ANKMY1: variants seen among roughly 807,000 people sequenced by gnomAD.
ANKMY1 encodes ankyrin repeat and MYND domain containing 1.
In ANKMY1, 98 loss-of-function variants were observed where a neutral mutation model predicts 102.0. The observed-to-expected ratio is 0.96, with a 90% CI of 0.82 to 1.14. The LOEUF (loss-of-function observed/expected upper bound fraction) is 1.14, where lower values mean the gene tolerates loss of function less well. ANKMY1 is among the 50% of genes most tolerant of loss of function. ANKMY1 has a pLI of 0.00. For synonymous variants in ANKMY1, 582 were observed against 559.9 expected (o/e 1.04, Z -0.56); for missense variants, 1,330 against 1,347.6 (o/e 0.99, Z 0.20).
chr2:240,523,686 A>C (rs1228008659), intron 8 of ANKMY1, 199 bp downstream of exon 8: 2 of 893,798 alleles, frequency 2.2e-6, no homozygotes, highest in African/African-American at 3.4e-5. Context: ...GGTGGCACTG[A>C]AAACAGCCCG....
chr2:240,490,675 C>T (rs1020031287), intron 15 of ANKMY1, among the ~76,000 whole-genome samples: 1 of 152,044 alleles, frequency 6.6e-6, no homozygotes, highest in Non-Finnish European at 1.5e-5. Context: ...AATTTTACTC[C>T]ATTGTGATCT....
the ANKMY1 span, among the ~76,000 whole-genome samples, chr2:240,470,090 C>T: frequency 6.6e-6 from 1 of 152,230 alleles, no homozygotes; most frequent in Non-Finnish European, 1.5e-5. Context: ...GCACACACTG[C>T]TCCTGTCCAG....
chr2:240,533,844 G>A (rs1340744773), intron 4 of ANKMY1, among the ~76,000 whole-genome samples: 1 of 152,108 alleles, frequency 6.6e-6, no homozygotes, highest in Non-Finnish European at 1.5e-5. Context: ...CAGAAAGGTT[G>A]AAAGTAAAGT....
In ANKMY1 at chr2:240,506,675, T is replaced by C. The variant is rs1243984532; in HGVS notation, c.2526+885A>G. Among the ~76,000 whole-genome samples, 4 of 147,150 alleles carry C rather than the reference T, an allele frequency of 2.7e-5. No individual in the cohort carries two copies. Among genetic ancestry groups the C allele is most frequent in the South Asian group, 2.4e-4 (1 of 4,242 alleles). ...CACCCCCCTCCTCCTTCCCCCTTTT[T>C]CTCCCTCAGACAGGTAAGAACCAAA... On this transcript the variant is annotated intron_variant, in intron 13 of 17. Coordinates refer to ENST00000401804, the MANE Select transcript of ANKMY1 (RefSeq NM_001282771.3). This position sits in a 1 kb window ranked among gnomAD's most constrained non-coding sequence, Gnocchi z 4.9.
intron 15 of ANKMY1, among the ~76,000 whole-genome samples, chr2:240,489,461 A>AT (rs2076403039): frequency 6.6e-6 from 1 of 152,114 alleles, no homozygotes; most frequent in African/African-American, 2.4e-5. Context: ...TATCTCAAAA[A>AT]AAAAAAAAAG....
chr2:240,554,481 C>T, intron 3 of ANKMY1: 1 of 175,520 alleles, frequency 5.7e-6, no homozygotes, highest in Non-Finnish European at 1.2e-5. Context: ...AGGACCTAGC[C>T]TGGGGGTGCA....
At chr2:240,556,857 G>T (rs924671341) in intron 2 of ANKMY1, among the ~76,000 whole-genome samples, 8 of 152,164 alleles carry the variant, frequency 5.3e-5, no homozygotes, top group African/African-American at 1.9e-4. Context: ...AGACTCCAGG[G>T]CAGCCCCTGG....
Position 240,506,378 on chromosome 2 carries a change from G to A in ANKMY1, c.2526+1182C>T, listed in dbSNP as rs1292282338. On this transcript the variant is annotated intron_variant, in intron 13 of 17. Coordinates refer to ENST00000401804, the MANE Select transcript of ANKMY1 (RefSeq NM_001282771.3). This position sits in a 1 kb window ranked among gnomAD's most constrained non-coding sequence, Gnocchi z 4.9. Reference sequence around the variant, plus strand: ...AGCCCCCAGGTCCAGAAATGGTGCCGACTACCCACACACACTGTTTCATTC... The same window carrying A: ...AGCCCCCAGGTCCAGAAATGGTGCCAACTACCCACACACACTGTTTCATTC... Among the ~76,000 whole-genome samples, 6 of 152,074 alleles carry A rather than the reference G, an allele frequency of 3.9e-5. No homozygotes were observed. Among genetic ancestry groups the A allele is most frequent in the African/African-American group, 7.2e-5 (3 of 41,414 alleles).
the ANKMY1 span, among the ~76,000 whole-genome samples, chr2:240,469,085 ACACT>A: frequency 6.6e-6 from 1 of 152,206 alleles, no homozygotes; most frequent in Non-Finnish European, 1.5e-5. Context: ...GAGCAGCCAG[ACACT>A]CATCAGCGGC....
chr2:240,549,981 A>G (rs2091205744), intron 4 of ANKMY1, among the ~76,000 whole-genome samples: 3 of 151,886 alleles, frequency 2.0e-5, no homozygotes, highest in South Asian at 2.1e-4. Context: ...ATCTAGAACT[A>G]GAAATACCAT....
At chr2:240,504,827 C>T (rs529155183) in intron 13 of ANKMY1, among the ~76,000 whole-genome samples, 119 of 151,048 alleles carry the variant, frequency 7.9e-4, no homozygotes, top group African/African-American at 2.8e-3. Flanking sequence ...GCCAACATGG[C>T]GAAACCCCAT....
chr2:240,541,856 CT>C (rs1432480699), intron 4 of ANKMY1, among the ~76,000 whole-genome samples: 1 of 152,044 alleles, frequency 6.6e-6, no homozygotes, highest in East Asian at 1.9e-4. Context: ...AGGTGATGTT[CT>C]TCTGGGGTGC....
chr2:240,537,078 C>T (rs1030389534), intron 4 of ANKMY1, among the ~76,000 whole-genome samples: 3 of 152,108 alleles, frequency 2.0e-5, no homozygotes, highest in Non-Finnish European at 4.4e-5. Context: ...AAGAAAAAAA[C>T]AGCACAGCAA....
At chr2:240,560,674 C>A (rs779621009), upstream of ANKMY1, 2 of 1,508,818 alleles carry the variant, frequency 1.3e-6, no homozygotes. Flanking sequence ...GCAGACTCTT[C>A]GGCGGGCGCC....
rs545008308 is a variant in ANKMY1, at chr2:240,520,938, C to T, written c.1833-405G>A. On this transcript the variant is annotated intron_variant, in intron 8 of 17. Transcript: ENST00000401804. This position sits in a 1 kb window ranked among gnomAD's most constrained non-coding sequence, Gnocchi z 4.8. ...CCACACTACACATACAGCACACAAC[C>T]ACACAAACCACACACACACCACACA... Among the ~76,000 whole-genome samples, 4 of 141,666 alleles carry T rather than the reference C, an allele frequency of 2.8e-5. No homozygotes were observed. The East Asian group carries it at 7.7e-4, about 27-fold the overall frequency. 92.9% of individuals were successfully genotyped at this position (141,666 alleles called of 152,430 possible).
At chr2:240,510,842 A>G (rs1331077516) in intron 11 of ANKMY1, among the ~76,000 whole-genome samples, 1 of 150,718 alleles carries the variant, frequency 6.6e-6, no homozygotes, top group Non-Finnish European at 1.5e-5. Context: ...TTTCCCCACA[A>G]CTTTCCCAAT....
At chr2:240,469,074 T>C in the ANKMY1 span, among the ~76,000 whole-genome samples, 1 of 152,036 alleles carries the variant, frequency 6.6e-6, no homozygotes, top group Non-Finnish European at 1.5e-5. Context: ...AGGGGACAGG[T>C]GAGCAGCCAG....
intron 4 of ANKMY1, among the ~76,000 whole-genome samples, chr2:240,551,526 T>C (rs906549300): frequency 1.3e-5 from 2 of 152,176 alleles, no homozygotes; most frequent in East Asian, 3.8e-4. Flanking sequence ...TTGCTGTGCT[T>C]TGTGTGGGTG....
intron 4 of ANKMY1, among the ~76,000 whole-genome samples, chr2:240,552,575 T>C (rs766796737): frequency 1.3e-5 from 2 of 152,238 alleles, no homozygotes; most frequent in Non-Finnish European, 2.9e-5. Context: ...GAAAGGCATC[T>C]GTATTTGAAA....
Sources: gnomAD v4.1 joint callset for allele counts (sites outside exome capture counted in the v4.1 genomes callset) on GRCh38, gnomAD v4.1.1 for gene constraint, Gnocchi (gnomAD v3.1) non-coding constraint, MANE v1.5 for transcripts, NCBI Gene and HGNC (gene_info 2026-07-23, HGNC 2026-07-21) for gene names.